STYXL1: variants seen among roughly 807,000 people sequenced by gnomAD.
STYXL1 encodes serine/threonine/tyrosine interacting like 1.
Under a neutral mutation model 36.4 loss-of-function variants are expected in STYXL1, and 32 were observed. That is an observed-to-expected ratio of 0.88 (90% CI 0.66 to 1.18). STYXL1 has a LOEUF of 1.18. STYXL1 is among the 50% of genes most tolerant of loss of function. The probability of loss-of-function intolerance (pLI) is 0.00; values close to 1 mark genes in which losing one functional copy is unlikely to be tolerated. For synonymous variants in STYXL1, 133 were observed against 144.1 expected, an observed-to-expected ratio of 0.92 and a Z score of 0.55; for missense variants, 354 against 394.1, an observed-to-expected ratio of 0.90 and a Z score of 0.86.
intron 8 of STYXL1, among the ~76,000 whole-genome samples, chr7:76,000,270 C>G (rs1286883255): frequency 6.6e-6 from 1 of 151,624 alleles, no homozygotes; most frequent in Non-Finnish European, 1.5e-5. Flanking sequence ...AACTTCACCC[C>G]CAAAGTGCAC....
Position 76,000,848 on chromosome 7 carries a change from A to AG in STYXL1, c.810+41dup, listed in dbSNP as rs1563458555. 3 of 1,574,002 alleles carry AG rather than the reference A, an allele frequency of 1.9e-6. No homozygotes were observed. The Admixed American group carries it at 5.0e-5, about 26-fold the overall frequency. ...AGGTTGCGCTCTGACCTCACCTCCC[A>AG]GGGGGTGGCCGTGGTGCGAGCCTGG... On this transcript the variant is annotated intron_variant, in intron 8 of 8. Coordinates refer to ENST00000359697, the MANE Select transcript of STYXL1 (RefSeq NM_001317785.2).
At position 76,047,832 on chromosome 7, in the gene STYXL1, A is replaced by G. The variant is rs940991441; in HGVS notation, c.-175T>C. The G allele has an allele frequency of 3.2e-5, 36 of 1,130,776 alleles. No homozygotes were observed. The highest frequency in any genetic ancestry group is 3.4e-4 in the Middle Eastern group (1 of 2,934). 70.0% of individuals were successfully genotyped at this position (1,130,776 alleles called of 1,614,324 possible). A position where few individuals can be genotyped will look rare whatever the true frequency, so the allele number is the denominator to read the frequency against. Reference sequence around the variant, plus strand: ...CCCACCTGGAAAAATGGCTCCTCTAAGGCGCTTCCAGCCTAAAGCCCGTCC... The same window carrying G: ...CCCACCTGGAAAAATGGCTCCTCTAGGGCGCTTCCAGCCTAAAGCCCGTCC... On this transcript the variant is annotated 5_prime_UTR_variant, in exon 1 of 9. Transcript: ENST00000359697.
intron 5 of STYXL1, among the ~76,000 whole-genome samples, chr7:76,007,584 A>G (rs1791947785): frequency 6.6e-6 from 1 of 152,116 alleles, no homozygotes; most frequent in Non-Finnish European, 1.5e-5. Context: ...AGCTGTATCT[A>G]TGATTCCTCT....
chr7:76,010,250 ATTG>A, intron 5 of STYXL1, among the ~76,000 whole-genome samples: 1 of 96,696 alleles, frequency 1.0e-5, no homozygotes, highest in South Asian at 3.2e-4. Flanking sequence ...TACTAGACTG[ATTG>A]TCTTTACTTC....
At chr7:76,033,465 G>A (rs1208406334) in intron 1 of STYXL1, among the ~76,000 whole-genome samples, 1 of 152,150 alleles carries the variant, frequency 6.6e-6, no homozygotes, top group Non-Finnish European at 1.5e-5. Flanking sequence ...TTAGCAAGAG[G>A]GCTAGAAGGA....
intron 8 of STYXL1, among the ~76,000 whole-genome samples, chr7:75,999,551 G>GTACA (rs1554565732): frequency 1.2e-5 from 1 of 80,060 alleles, no homozygotes; most frequent in African/African-American, 4.1e-5. Flanking sequence ...GTGTGTGTGT[G>GTACA]TATATTTTTT....
At chr7:76,005,751 G>A (rs1554569968) in intron 5 of STYXL1, among the ~76,000 whole-genome samples, 1 of 152,042 alleles carries the variant, frequency 6.6e-6, no homozygotes, top group Non-Finnish European at 1.5e-5. Context: ...GGGGGCTCAG[G>A]AGGATGGAGA....
In STYXL1 at chr7:76,047,835, C is replaced by T; in HGVS notation, c.-178G>A. 2.6e-6 allele frequency: 3 copies of T among 1,149,628 alleles called. No individual in the cohort carries two copies. Among genetic ancestry groups the T allele is most frequent in the Non-Finnish European group, 3.4e-6 (3 of 886,098 alleles). The allele number at this position is 1,149,628 out of a possible 1,614,324, so 71.2% of individuals were successfully genotyped here. A position where few individuals can be genotyped will look rare whatever the true frequency, so the allele number is the denominator to read the frequency against. On this transcript the variant is annotated 5_prime_UTR_variant, in exon 1 of 9. Transcript: ENST00000359697. ...ACCTGGAAAAATGGCTCCTCTAAGG[C>T]GCTTCCAGCCTAAAGCCCGTCCTCT... is the stretch of plus-strand genomic sequence containing the variant.
At chr7:76,036,807 C>T (rs1400701402) in intron 1 of STYXL1, among the ~76,000 whole-genome samples, 7 of 98,906 alleles carry the variant, frequency 7.1e-5, no homozygotes, top group African/African-American at 1.7e-4. Context: ...TTTTTTGAGA[C>T]GGAGTCCCAC....
intron 3 of STYXL1, among the ~76,000 whole-genome samples, chr7:76,022,466 C>G (rs1302165433): frequency 1.3e-5 from 2 of 151,092 alleles, no homozygotes; most frequent in Non-Finnish European, 2.9e-5. Flanking sequence ...TCCAGACCAG[C>G]CTGGACAACA....
chr7:76,010,265 T>C (rs1398434207), intron 5 of STYXL1, among the ~76,000 whole-genome samples: 1 of 152,130 alleles, frequency 6.6e-6, no homozygotes, highest in African/African-American at 2.4e-5. Context: ...CTTTACTTCC[T>C]TTATTTAACT....
chr7:76,019,858 C>A (rs1793838021), intron 4 of STYXL1, among the ~76,000 whole-genome samples: 1 of 150,022 alleles, frequency 6.7e-6, no homozygotes, highest in African/African-American at 2.5e-5. Flanking sequence ...CTTTGAGAGG[C>A]CAATGCAAGA....
At chr7:76,005,623 C>A (rs544997608) in intron 5 of STYXL1, among the ~76,000 whole-genome samples, 1 of 152,096 alleles carries the variant, frequency 6.6e-6, no homozygotes, top group Non-Finnish European at 1.5e-5. Context: ...TCGTGCAGAG[C>A]GCTGGGTCTC....
rs782607080 is a variant in STYXL1, at chr7:76,000,954, C to A, written c.746G>T (p.Gly249Val). 1.9e-6 allele frequency: 3 copies of A among 1,614,028 alleles called. No individual in the cohort carries two copies. Among genetic ancestry groups the A allele is most frequent in the African/African-American group, 2.7e-5 (2 of 74,916 alleles). ...GSVILIFSTQ[G>V]ISRSCAAIIA... ...GATGGCGGCACAACTGCGGCTGATACCTTGGGTGGAAAAGATCAGAATGAC... is the reference window on the plus strand; with the variant it reads ...GATGGCGGCACAACTGCGGCTGATAACTTGGGTGGAAAAGATCAGAATGAC... The change falls in exon 8 of 9, where the codon GGT becomes GTT. Residue 249 changes from glycine (G) to valine (V), a missense_variant. Gly to Val is a moderately radical substitution (Grantham distance 109, BLOSUM62 -3). Transcript: ENST00000359697.
chr7:76,011,320 A>C lies in STYXL1; in HGVS notation c.453+2422T>G, dbSNP rs577716785. On this transcript the variant is annotated intron_variant, in intron 5 of 8. Coordinates refer to ENST00000359697, the MANE Select transcript of STYXL1 (RefSeq NM_001317785.2). ...ACCTCACCCCAGATTATTTGAAAGG[A>C]AATTCCAGACATCACGTCATTTCAC... 2.0e-5 allele frequency among the ~76,000 whole-genome samples: 3 copies of C among 152,334 alleles called. No homozygotes were observed. The East Asian group carries it at 5.8e-4, about 29-fold the overall frequency.
intron 2 of STYXL1, among the ~76,000 whole-genome samples, 176 bp from the exon 3 acceptor site, chr7:76,028,879 C>T (rs13240967): frequency 0.55 from 82,965 of 151,924 alleles, 25,164 homozygotes; most frequent in Non-Finnish European, 0.7. Context: ...AACCCCAGCA[C>T]TTTGGAAGGC....
At chr7:76,030,633 A>T (rs1795225452) in intron 1 of STYXL1, 106 bp from the exon 2 acceptor site, 2 of 683,824 alleles carry the variant, frequency 2.9e-6, no homozygotes, top group Non-Finnish European at 5.3e-6. Context: ...CTTCAAGCAA[A>T]GATGACAGTA....
intron 1 of STYXL1, among the ~76,000 whole-genome samples, chr7:76,033,049 G>A (rs1466012045): frequency 2.0e-5 from 3 of 152,190 alleles, no homozygotes; most frequent in Non-Finnish European, 2.9e-5. Context: ...GCTAGGCTCG[G>A]GCTCCAGTTG....
At chr7:76,032,747 G>C (rs1195136311) in intron 1 of STYXL1, among the ~76,000 whole-genome samples, 2 of 152,082 alleles carry the variant, frequency 1.3e-5, no homozygotes, top group Admixed American at 6.6e-5. Context: ...ATTGTGACAG[G>C]AGTACCTAAC....
Sources: gnomAD v4.1 joint callset for allele counts (sites outside exome capture counted in the v4.1 genomes callset) on GRCh38, gnomAD v4.1.1 for gene constraint, MANE v1.5 for transcripts, NCBI Gene and HGNC (gene_info 2026-07-23, HGNC 2026-07-21) for gene names.